The following PTPN3 variants were observed in gnomAD, a reference collection of about 807,000 sequenced individuals.
The protein encoded by PTPN3 is tyrosine-protein phosphatase non-receptor type 3.
PTPN3 carries 96 observed loss-of-function variants against 132.7 expected under a neutral mutation model. The ratio of observed to expected loss-of-function variants is 0.72; its 90% confidence interval spans 0.61 to 0.86. The LOEUF is 0.86. Among genes scored for constraint, PTPN3 ranks in the 40% least tolerant of loss-of-function variants. The pLI is 0.00. For missense variants in PTPN3, 1,125 were observed against 1,159.6 expected, an observed-to-expected ratio of 0.97 and a Z score of 0.43; for synonymous variants, 398 against 429.0, an observed-to-expected ratio of 0.93 and a Z score of 0.89.
intron 1 of PTPN3, among the ~76,000 whole-genome samples, chr9:109,492,392 C>T (rs952416528): frequency 6.6e-6 from 1 of 152,206 alleles, no homozygotes; most frequent in African/African-American, 2.4e-5. Flanking sequence ...TCCCTTCAGT[C>T]CTGAGAACCG....
chr9:109,451,065 T>C (rs1031167277), intron 5 of PTPN3: 44 of 972,600 alleles, frequency 4.5e-5, no homozygotes, highest in Non-Finnish European at 5.0e-5. Context: ...TTTTAAAGCA[T>C]GTGAATTAAT....
At chr9:109,433,565 T>C (rs1843813491) in intron 9 of PTPN3, among the ~76,000 whole-genome samples, 1 of 152,208 alleles carries the variant, frequency 6.6e-6, no homozygotes, top group South Asian at 2.1e-4. Flanking sequence ...TTTGAAATGA[T>C]GATGAAAATG....
chr9:109,519,599 C>T, the PTPN3 span, among the ~76,000 whole-genome samples: 2 of 152,144 alleles, frequency 1.3e-5, no homozygotes, highest in East Asian at 1.9e-4. Flanking sequence ...GACATGGTAG[C>T]GTTGGGACTT....
intron 19 of PTPN3, among the ~76,000 whole-genome samples, chr9:109,396,710 G>C (rs946794649): frequency 3.3e-5 from 5 of 152,218 alleles, no homozygotes; most frequent in Non-Finnish European, 7.3e-5. Context: ...TGAAATTACA[G>C]TATCAGTATC....
chr9:109,434,496 T>TG (rs1183922295), intron 9 of PTPN3, among the ~76,000 whole-genome samples: 21 of 150,788 alleles, frequency 1.4e-4, no homozygotes, highest in African/African-American at 5.2e-4. Flanking sequence ...TTTGTAGAGA[T>TG]GGGGTCACAC....
chr9:109,491,788 G>A (rs963706839), intron 1 of PTPN3, among the ~76,000 whole-genome samples: 1 of 152,204 alleles, frequency 6.6e-6, no homozygotes, highest in African/African-American at 2.4e-5. Flanking sequence ...GGGGGAGAAG[G>A]TCCCAGGCTC....
At chr9:109,456,920 G>A (rs1218927870) in intron 4 of PTPN3, among the ~76,000 whole-genome samples, 2 of 152,082 alleles carry the variant, frequency 1.3e-5, no homozygotes, top group African/African-American at 4.8e-5. Context: ...CAGAAATGTG[G>A]GTTCCCTCGC....
chr9:109,532,864 G>GACT, the PTPN3 span: 2 of 930,842 alleles, frequency 2.1e-6, no homozygotes, highest in Non-Finnish European at 2.8e-6. Context: ...CTCGGGAGCG[G>GACT]ACTAATTCTC....
At chr9:109,419,586 C>T (rs976585089) in intron 14 of PTPN3, among the ~76,000 whole-genome samples, 2 of 151,880 alleles carry the variant, frequency 1.3e-5, no homozygotes, top group Non-Finnish European at 1.5e-5. Context: ...TACCCCAAAA[C>T]GTACAGATAT....
the PTPN3 span, among the ~76,000 whole-genome samples, chr9:109,516,220 C>T: frequency 1.3e-5 from 2 of 152,198 alleles, no homozygotes; most frequent in African/African-American, 4.8e-5. Flanking sequence ...GATGGTCTGC[C>T]AGACACCGGG....
chr9:109,432,045 T>A (rs1367636901), intron 10 of PTPN3, among the ~76,000 whole-genome samples: 3 of 148,684 alleles, frequency 2.0e-5, no homozygotes, highest in Non-Finnish European at 3.0e-5. Flanking sequence ...TATATATTAT[T>A]CTATTATATA....
chr9:109,489,487 GGAC>G (rs1847360344), intron 1 of PTPN3, among the ~76,000 whole-genome samples: 1 of 152,086 alleles, frequency 6.6e-6, no homozygotes, highest in South Asian at 2.1e-4. Flanking sequence ...TCTTAAATCC[GGAC>G]GTGACCACAC....
the PTPN3 span, among the ~76,000 whole-genome samples, chr9:109,506,925 A>G: frequency 6.6e-6 from 1 of 152,362 alleles, no homozygotes; most frequent in Admixed American, 6.5e-5. Flanking sequence ...CATGTGATGT[A>G]TAACCTATTT....
In PTPN3 at chr9:109,391,404, T is replaced by C. The variant is rs1356743152; in HGVS notation, c.2044+67A>G. 4.0e-6 allele frequency: 6 copies of C among 1,498,284 alleles called. No homozygotes were observed. In the East Asian group the frequency reaches 1.1e-4, roughly 28 times the overall value. 92.8% of individuals were successfully genotyped at this position (1,498,284 alleles called of 1,614,324 possible). A position where few individuals can be genotyped will look rare whatever the true frequency, so the allele number is the denominator to read the frequency against. On this transcript the variant is annotated intron_variant, in intron 20 of 25. Transcript: ENST00000374541. ...AAAATCGTTCCAGAATACCAGACAA[T>C]CTGTTTTAAAAAGGGAAACATTATC...
rs540445323 is a variant in PTPN3 at position 109,377,494 on chromosome 9, T to A, written c.*2062A>T. The A allele has an allele frequency of 6.6e-6, 1 of 150,966 alleles. No homozygotes were observed. Among genetic ancestry groups the A allele is most frequent in the South Asian group, 2.1e-4 (1 of 4,720 alleles). The allele number at this position is 150,966 out of a possible 1,614,324, so 9.4% of individuals were successfully genotyped here. On this transcript the variant is annotated 3_prime_UTR_variant, in exon 26 of 26. Coordinates refer to ENST00000374541, the MANE Select transcript of PTPN3 (RefSeq NM_002829.4). ...GGTGGCATGTGCCTATAGTCCCGGC[T>A]ACTCAGGAGGCTGAGGTGCGAGGAT... is the stretch of plus-strand genomic sequence containing the variant.
chr9:109,533,588 C>A, the PTPN3 span: 23 of 1,584,336 alleles, frequency 1.5e-5, no homozygotes, highest in Non-Finnish European at 1.9e-5. Context: ...GCGAGGAGGG[C>A]CCCTGCGGAA....
chr9:109,444,563 T>A (rs1045259778), intron 7 of PTPN3, among the ~76,000 whole-genome samples: 1 of 152,248 alleles, frequency 6.6e-6, no homozygotes, highest in Non-Finnish European at 1.5e-5. Context: ...ATCTTGCTAA[T>A]AACTTTGTAC....
intron 10 of PTPN3, chr9:109,429,155 G>T: frequency 1.6e-6 from 1 of 623,526 alleles, no homozygotes; most frequent in Non-Finnish European, 2.0e-6. Context: ...ACATTTTTTA[G>T]ATACTAGGCT....
At chr9:109,508,186 C>G in the PTPN3 span, among the ~76,000 whole-genome samples, 4 of 148,936 alleles carry the variant, frequency 2.7e-5, no homozygotes, top group Non-Finnish European at 3.0e-5. Context: ...TTTGAGATGG[C>G]GTTTCGCTCT....
Sources: allele counts gnomAD v4.1 joint callset (sites outside exome capture counted in the v4.1 genomes callset), GRCh38; gene constraint gnomAD v4.1.1; transcripts MANE v1.5; gene names NCBI Gene and HGNC (gene_info 2026-07-23, HGNC 2026-07-21).